Variants in MICU3 observed in about 807,000 individuals in gnomAD.
MICU3 encodes the protein calcium uptake protein 3, mitochondrial.
A neutral mutation model predicts 66.5 loss-of-function variants in MICU3; 62 were observed. The observed-to-expected ratio is 0.93, with a 90% CI of 0.76 to 1.15. The LOEUF (loss-of-function observed/expected upper bound fraction) is 1.15. Among genes scored for constraint, MICU3 ranks in the 50% most tolerant of loss-of-function variants. MICU3 has a pLI of 0.00. For synonymous variants in MICU3, 308 were observed against 240.7 expected (o/e 1.28, Z -2.59); for missense variants, 779 against 664.4 (o/e 1.17, Z -1.90).
At chr8:17,038,012 GAAGT>G (rs1292878995) in intron 1 of MICU3, among the ~76,000 whole-genome samples, 1 of 152,162 alleles carries the variant, frequency 6.6e-6, no homozygotes, top group Non-Finnish European at 1.5e-5. Context: ...TTGTATCTAG[GAAGT>G]AAGTAACTTG....
rs1468208067 is a variant in MICU3, at chr8:17,073,098, C to A, written c.567+3379C>A. On this transcript the variant is annotated intron_variant, in intron 3 of 14. Transcript: ENST00000318063. Reference sequence around the variant, plus strand: ...TAGAGACAGGGTTTTGCTCTGTCACCCAGGCTGGGGTATATTTACTTTTGA... The same window carrying A: ...TAGAGACAGGGTTTTGCTCTGTCACACAGGCTGGGGTATATTTACTTTTGA... Among the ~76,000 whole-genome samples, 3 of 152,042 alleles carry A rather than the reference C, an allele frequency of 2.0e-5. No homozygotes were observed. In the East Asian group the frequency reaches 5.8e-4, roughly 29 times the overall value.
At chr8:17,060,946 G>C (rs1585282192) in intron 1 of MICU3, among the ~76,000 whole-genome samples, 1 of 152,204 alleles carries the variant, frequency 6.6e-6, no homozygotes, top group Non-Finnish European at 1.5e-5. Context: ...GCCAACAGGA[G>C]TGGATTCGTA....
chr8:17,041,364 CA>C (rs1814056049), intron 1 of MICU3, among the ~76,000 whole-genome samples: 1 of 151,552 alleles, frequency 6.6e-6, no homozygotes, highest in Non-Finnish European at 1.5e-5. Context: ...GAAAGCTATC[CA>C]AGGAGGTCAA....
intron 12 of MICU3, among the ~76,000 whole-genome samples, chr8:17,116,195 A>C (rs2150836674): frequency 6.6e-6 from 1 of 152,340 alleles, no homozygotes; most frequent in Non-Finnish European, 1.5e-5. Flanking sequence ...CACTGATAGT[A>C]GGTGCTCATT....
chr8:17,052,174 G>A (rs908387584), intron 1 of MICU3, among the ~76,000 whole-genome samples: 3 of 152,014 alleles, frequency 2.0e-5, no homozygotes, highest in African/African-American at 7.2e-5. Flanking sequence ...TATAATGTAA[G>A]CTACTATAAT....
intron 1 of MICU3, among the ~76,000 whole-genome samples, chr8:17,036,687 A>G (rs904012655): frequency 1.3e-5 from 2 of 152,182 alleles, no homozygotes; most frequent in African/African-American, 4.8e-5. Context: ...TGGTGTGTTT[A>G]CAATCCCTGA....
intron 4 of MICU3, among the ~76,000 whole-genome samples, chr8:17,080,664 G>C (rs1821048640): frequency 6.6e-6 from 1 of 152,058 alleles, no homozygotes; most frequent in African/African-American, 2.4e-5. Flanking sequence ...AGAACTATCT[G>C]TCTATAGGTC....
At chr8:17,063,965 A>T in intron 1 of MICU3, 119 bp from the exon 2 acceptor site, 1 of 586,816 alleles carries the variant, frequency 1.7e-6, no homozygotes, top group East Asian at 3.0e-5. Flanking sequence ...TTTTCAGAAG[A>T]CGATATTTTC....
chr8:17,112,088 C>G (rs1011872360), intron 11 of MICU3, among the ~76,000 whole-genome samples: 7 of 152,172 alleles, frequency 4.6e-5, no homozygotes, highest in African/African-American at 1.2e-4. Flanking sequence ...AATCCAGTCA[C>G]TTCCCTCCCT....
chr8:17,117,762 C>A (rs1212056131), intron 13 of MICU3, among the ~76,000 whole-genome samples: 1 of 152,018 alleles, frequency 6.6e-6, no homozygotes, highest in African/African-American at 2.4e-5. Context: ...GTGTGCACAA[C>A]CGTGCCCGGG....
intron 1 of MICU3, among the ~76,000 whole-genome samples, chr8:17,039,895 CTTTTTTTTT>C (rs35133600): frequency 2.7e-4 from 17 of 62,546 alleles, no homozygotes; most frequent in African/African-American, 8.6e-4. Context: ...ATCTTGCATT[CTTTTTTTTT>C]TTTTTTTTTT....
rs1800970459 is a variant in MICU3, at chr8:17,098,549, C to T, written c.980C>T (p.Ala327Val). The T allele has an allele frequency of 1.9e-6, 3 of 1,600,278 alleles. No individual in the cohort carries two copies. The highest frequency in any genetic ancestry group is 1.3e-5 in the African/African-American group (1 of 74,618). Reference sequence around the variant, plus strand: ...AGCCAAGCACTGTTTTCAGACCTCGCAGAGGTATAATTAAACCTCAACAAG... The same window carrying T: ...AGCCAAGCACTGTTTTCAGACCTCGTAGAGGTATAATTAAACCTCAACAAG... ...NTSQALFSDL[A>V]ERADDITSLV... The change falls in exon 9 of 15, where the codon GCA becomes GTA. Residue 327 changes from alanine (A) to valine (V), a missense_variant. By Grantham distance (64) the Ala-to-Val change is moderately conservative. Coordinates refer to ENST00000318063, the MANE Select transcript of MICU3 (RefSeq NM_181723.3).
At chr8:17,113,877 A>G (rs555762092) in intron 11 of MICU3, among the ~76,000 whole-genome samples, 1 of 152,158 alleles carries the variant, frequency 6.6e-6, no homozygotes, top group East Asian at 1.9e-4. Context: ...AAATACTTTT[A>G]CCTATTATTC....
chr8:17,070,931 G>A (rs999005614), intron 3 of MICU3, among the ~76,000 whole-genome samples: 29 of 152,270 alleles, frequency 1.9e-4, no homozygotes, highest in Middle Eastern at 6.8e-3. Flanking sequence ...CATATACAGC[G>A]TGGATATACT....
At chr8:17,033,740 A>G (rs1812483191) in intron 1 of MICU3, among the ~76,000 whole-genome samples, 2 of 152,146 alleles carry the variant, frequency 1.3e-5, no homozygotes, top group African/African-American at 2.4e-5. Flanking sequence ...CTGGCCAACT[A>G]TCATCAATTA....
At chr8:17,091,034 A>G (rs1799991428) in intron 8 of MICU3, among the ~76,000 whole-genome samples, 1 of 151,712 alleles carries the variant, frequency 6.6e-6, no homozygotes, top group East Asian at 1.9e-4. Context: ...TTTGCTCACA[A>G]TTTTTTTTCA....
At chr8:17,051,004 A>G (rs2150569173) in intron 1 of MICU3, among the ~76,000 whole-genome samples, 1 of 152,248 alleles carries the variant, frequency 6.6e-6, no homozygotes, top group South Asian at 2.1e-4. Context: ...AGTAGTTTGA[A>G]AGTCATGCAT....
At chr8:17,132,828 A>G in the MICU3 span, 4 of 152,244 alleles carry the variant, frequency 2.6e-5, no homozygotes, top group African/African-American at 7.2e-5. Flanking sequence ...CCCAAAATTT[A>G]TATGTTGAAA....
At chr8:17,126,797 T>G (rs1803416593), downstream of MICU3, among the ~76,000 whole-genome samples, 1 of 152,126 alleles carries the variant, frequency 6.6e-6, no homozygotes, top group Non-Finnish European at 1.5e-5. Flanking sequence ...TGTAAATTTG[T>G]GGAACTACCA....
Sources: allele counts gnomAD v4.1 joint callset (sites outside exome capture counted in the v4.1 genomes callset), GRCh38; gene constraint gnomAD v4.1.1; transcripts MANE v1.5; gene names NCBI Gene and HGNC (gene_info 2026-07-23, HGNC 2026-07-21).